Variants in AGBL4 observed in about 807,000 individuals in gnomAD.
The protein encoded by AGBL4 is cytosolic carboxypeptidase 6.
A neutral mutation model predicts 66.4 loss-of-function variants in AGBL4; 58 were observed. The ratio of observed to expected loss-of-function variants is 0.87; its 90% CI spans 0.71 to 1.09. The LOEUF (loss-of-function observed/expected upper bound fraction) is 1.09. Among genes scored for constraint, AGBL4 ranks in the 50% least tolerant of loss-of-function variants. The pLI is 0.00. For synonymous variants in AGBL4, 234 were observed against 222.9 expected, an observed-to-expected ratio of 1.05 and a Z score of -0.44; for missense variants, 579 against 631.0, an observed-to-expected ratio of 0.92 and a Z score of 0.88.
At chr1:48,922,846 CAAAT>C (rs918779087) in intron 5 of AGBL4, among the ~76,000 whole-genome samples, 8 of 151,308 alleles carry the variant, frequency 5.3e-5, no homozygotes, top group Admixed American at 6.6e-5. Flanking sequence ...TAAATAATGT[CAAAT>C]AATGTGGGAA....
At chr1:48,876,331 C>T (rs901064161) in intron 5 of AGBL4, among the ~76,000 whole-genome samples, 1 of 152,042 alleles carries the variant, frequency 6.6e-6, no homozygotes, top group Non-Finnish European at 1.5e-5. Context: ...CATGCCTCAT[C>T]CTAAAATCTT....
chr1:49,487,516 T>G (rs1647093930), intron 3 of AGBL4, among the ~76,000 whole-genome samples: 2 of 151,720 alleles, frequency 1.3e-5, no homozygotes, highest in South Asian at 4.2e-4. Context: ...CTCAGGAGAT[T>G]TGGTGGTTTT....
At chr1:49,971,269 T>A (rs746218066) in intron 1 of AGBL4, among the ~76,000 whole-genome samples, 3 of 152,196 alleles carry the variant, frequency 2.0e-5, no homozygotes, top group Non-Finnish European at 4.4e-5. Flanking sequence ...GGAACATGAA[T>A]CATCCCTTTG....
intron 3 of AGBL4, among the ~76,000 whole-genome samples, chr1:49,261,135 A>G (rs949893089): frequency 0.028 from 4,206 of 152,126 alleles, 176 homozygotes; most frequent in African/African-American, 0.096. Context: ...CTCTCAATAA[A>G]TTAGGTATTG....
At chr1:48,766,861 C>G (rs1405963099) in intron 6 of AGBL4, among the ~76,000 whole-genome samples, 1 of 152,128 alleles carries the variant, frequency 6.6e-6, no homozygotes, top group Non-Finnish European at 1.5e-5. Context: ...TTTACTGTTC[C>G]TGTTTTGATT....
At position 49,379,205 on chromosome 1, in the gene AGBL4, A is replaced by G. The variant is rs150559522; in HGVS notation, c.283-133341T>C. The stretch of plus-strand genomic sequence containing the variant: ...GTGAAAATATACCACTGCCTTGATG[A>G]TGTCATCCCTGATCTTCTATCATTC... On this transcript the variant is annotated intron_variant, in intron 3 of 13. Coordinates refer to ENST00000371839, the MANE Select transcript of AGBL4 (RefSeq NM_032785.4). 3.4e-3 allele frequency among the ~76,000 whole-genome samples: 517 copies of G among 152,254 alleles called. 5 individuals carry two copies. Among genetic ancestry groups the G allele is most frequent in the African/African-American group, 0.012 (501 of 41,562 alleles).
At chr1:48,594,046 C>A (rs780042468) in intron 9 of AGBL4, among the ~76,000 whole-genome samples, 2 of 152,098 alleles carry the variant, frequency 1.3e-5, no homozygotes, top group African/African-American at 2.4e-5. Context: ...TGATTTGCAG[C>A]CGGGCATGGT....
chr1:48,534,290 T>C lies in AGBL4; in HGVS notation c.1395A>G (p.Lys465=), dbSNP rs906094511. 4 of 1,550,044 alleles carry C rather than the reference T, an allele frequency of 2.6e-6. No homozygotes were observed. The African/African-American group carries it at 5.5e-5, about 21-fold the overall frequency. The change falls in exon 14 of 14, where the codon AAA becomes AAG. Residue 465 remains lysine, a synonymous_variant. Transcript: ENST00000371839. ...GGTGCTTGTAAGGAGGGGATTTTTC[T>C]TTCCTGCAAAGGGGGAGATAACAGA... ...RNKEIEVQRR[K]EKSPPYKHPL...
rs1430349264 is a variant in AGBL4, at chr1:48,616,537, A to G, written c.951+17956T>C. Among the ~76,000 whole-genome samples, 4 of 152,216 alleles carry G rather than the reference A, an allele frequency of 2.6e-5. No individual in the cohort carries two copies. In the East Asian group the frequency reaches 7.7e-4, roughly 29 times the overall value. On this transcript the variant is annotated intron_variant, in intron 9 of 13. Transcript: ENST00000371839. ...TGATTCTGGAGTCAACTCTATGTAT[A>G]AGGTTTACAACCCAATTGGGCCAAA... is the stretch of plus-strand genomic sequence containing the variant.
intron 11 of AGBL4, 195 bp downstream of exon 11, chr1:48,586,809 T>C (rs1644828210): frequency 1.6e-6 from 1 of 631,376 alleles, no homozygotes; most frequent in Non-Finnish European, 2.7e-6. Context: ...GCATGGCAAT[T>C]GGGGTAGGAG....
At chr1:49,952,958 C>T (rs1656288077) in intron 1 of AGBL4, among the ~76,000 whole-genome samples, 1 of 151,906 alleles carries the variant, frequency 6.6e-6, no homozygotes, top group Non-Finnish European at 1.5e-5. Flanking sequence ...GGTAAGAATG[C>T]ATGTCTCTGA....
rs1645220135 is a variant in AGBL4, at chr1:48,779,027, T to C, written c.634+88164A>G. Among the ~76,000 whole-genome samples the C allele has an allele frequency of 2.0e-5, 3 of 152,226 alleles. 1 individual carries two copies. In the South Asian group the frequency reaches 6.2e-4, roughly 32 times the overall value. On this transcript the variant is annotated intron_variant, in intron 6 of 13. Coordinates refer to ENST00000371839, the MANE Select transcript of AGBL4 (RefSeq NM_032785.4). ...TCCAGCACATTTACTGTCATGATTA[T>C]GATTTCTTTGGACTGATCCTCAGTG...
intron 6 of AGBL4, among the ~76,000 whole-genome samples, chr1:48,816,086 T>A (rs1646169374): frequency 8.6e-6 from 1 of 116,056 alleles, no homozygotes; most frequent in South Asian, 2.6e-4. Context: ...TGTGTGTGTG[T>A]GTGTGTAGAG....
intron 1 of AGBL4, among the ~76,000 whole-genome samples, chr1:49,952,927 A>AT (rs1656285666): frequency 6.6e-6 from 1 of 151,960 alleles, no homozygotes; most frequent in Admixed American, 6.6e-5. Flanking sequence ...ATTTTTCATG[A>AT]TTTAGCAATC....
At chr1:48,749,146 C>T (rs1651250553) in intron 6 of AGBL4, among the ~76,000 whole-genome samples, 1 of 152,106 alleles carries the variant, frequency 6.6e-6, no homozygotes, top group African/African-American at 2.4e-5. Flanking sequence ...ATTGCAGATG[C>T]CCATTTCAAA....
chr1:49,359,662 AGC>A (rs1278048667), intron 3 of AGBL4, among the ~76,000 whole-genome samples: 1 of 152,154 alleles, frequency 6.6e-6, no homozygotes, highest in Non-Finnish European at 1.5e-5. Context: ...TGTAGGCAAA[AGC>A]TGGCAGCAAA....
downstream of AGBL4, among the ~76,000 whole-genome samples, chr1:48,530,432 A>C (rs567704516): frequency 1.9e-4 from 29 of 152,336 alleles, no homozygotes; most frequent in Non-Finnish European, 2.9e-4. Flanking sequence ...CTATGTAGAA[A>C]AATGAGTTGG....
intron 2 of AGBL4, among the ~76,000 whole-genome samples, chr1:49,842,625 C>T (rs185660967): frequency 4.0e-4 from 61 of 152,056 alleles, no homozygotes; most frequent in African/African-American, 1.4e-3. Flanking sequence ...GTGGGGGAGA[C>T]AAACAATAAA....
At chr1:49,128,472 A>T (rs1475635744) in intron 4 of AGBL4, among the ~76,000 whole-genome samples, 1 of 152,056 alleles carries the variant, frequency 6.6e-6, no homozygotes, top group Non-Finnish European at 1.5e-5. Context: ...AAGCTAAAAT[A>T]ATCAAGAATG....
Sources: gnomAD v4.1 joint callset for allele counts (sites outside exome capture counted in the v4.1 genomes callset) on GRCh38, gnomAD v4.1.1 for gene constraint, MANE v1.5 for transcripts, NCBI Gene and HGNC (gene_info 2026-07-23, HGNC 2026-07-21) for gene names.